C3orf70: variants seen among roughly 807,000 people sequenced by gnomAD.
C3orf70 encodes UPF0524 protein C3orf70.
In C3orf70, 15 loss-of-function variants were observed where a neutral mutation model predicts 20.7. That is an observed-to-expected ratio of 0.72 (90% CI 0.48 to 1.11). C3orf70 has a LOEUF of 1.11. Among genes scored for constraint, C3orf70 ranks in the 50% most tolerant of loss-of-function variants. C3orf70 has a pLI of 0.00. For missense variants in C3orf70, 332 were observed against 317.6 expected (o/e 1.05, Z -0.34); for synonymous variants, 161 against 125.7 (o/e 1.28, Z -1.88).
intron 1 of C3orf70, among the ~76,000 whole-genome samples, chr3:185,087,386 A>G (rs58680890): frequency 0.024 from 3,709 of 152,336 alleles, 124 homozygotes; most frequent in African/African-American, 0.084. Flanking sequence ...TCACAGCAGC[A>G]TCACTGGCAA....
chr3:185,110,886 C>T (rs1396848203), intron 1 of C3orf70, among the ~76,000 whole-genome samples: 1 of 152,214 alleles, frequency 6.6e-6, no homozygotes, highest in Non-Finnish European at 1.5e-5. Context: ...GAATGGCTGG[C>T]TTGCTGTTAA....
At chr3:185,143,981 AAC>A (rs34762767) in intron 1 of C3orf70, among the ~76,000 whole-genome samples, 93,583 of 148,736 alleles carry the variant, frequency 0.63, 30,161 homozygotes, top group Non-Finnish European at 0.72. Context: ...TTCTATGGTA[AAC>A]ACACACACAC....
At chr3:185,091,758 C>G (rs1375614014) in intron 1 of C3orf70, among the ~76,000 whole-genome samples, 1 of 148,818 alleles carries the variant, frequency 6.7e-6, no homozygotes, top group Non-Finnish European at 1.5e-5. Flanking sequence ...AGTCTTGGCT[C>G]ACTGCAACCT....
At chr3:185,111,806 A>G (rs778790865) in intron 1 of C3orf70, among the ~76,000 whole-genome samples, 1 of 152,212 alleles carries the variant, frequency 6.6e-6, no homozygotes, top group Non-Finnish European at 1.5e-5. Flanking sequence ...AAACAGAATC[A>G]GGCAATGATG....
At position 185,130,896 on chromosome 3, in the gene C3orf70, G is replaced by A. The variant is rs371786095; in HGVS notation, c.196+21732C>T. 1.6e-4 allele frequency among the ~76,000 whole-genome samples: 24 copies of A among 152,034 alleles called. No individual in the cohort carries two copies. In the East Asian group the frequency reaches 1.7e-3, roughly 11 times the overall value. ...ACTTTTGGGTTCTTTCTACTTTTTG[G>A]CTATTATGATTAATGCTGCTATAAA... On this transcript the variant is annotated intron_variant, in intron 1 of 1. Coordinates refer to ENST00000335012, the MANE Select transcript of C3orf70 (RefSeq NM_001025266.3).
intron 1 of C3orf70, among the ~76,000 whole-genome samples, chr3:185,088,829 A>AT (rs945066345): frequency 2.0e-5 from 3 of 151,994 alleles, no homozygotes; most frequent in Admixed American, 1.3e-4. Flanking sequence ...TGCCAAACTG[A>AT]TTTTTTTTAA....
At chr3:185,107,976 C>T (rs1715982090) in intron 1 of C3orf70, among the ~76,000 whole-genome samples, 2 of 151,932 alleles carry the variant, frequency 1.3e-5, no homozygotes, top group African/African-American at 2.4e-5. Flanking sequence ...TAGATCAAAT[C>T]GCTACTATGA....
intron 1 of C3orf70, among the ~76,000 whole-genome samples, chr3:185,126,583 T>C (rs1284402260): frequency 6.6e-6 from 1 of 152,192 alleles, no homozygotes; most frequent in Non-Finnish European, 1.5e-5. Context: ...AAACTCAAAA[T>C]GGACTTCCGA....
Position 185,083,422 on chromosome 3 carries a change from T to C in C3orf70, c.338A>G (p.Gln113Arg). 2.5e-6 allele frequency: 4 copies of C among 1,614,168 alleles called. No homozygotes were observed. Among genetic ancestry groups the C allele is most frequent in the Non-Finnish European group, 3.4e-6 (4 of 1,180,034 alleles). Residue 113 changes from glutamine (Q) to arginine (R), a missense_variant, in exon 2 of 2, where the codon CAG becomes CGG. Gln to Arg is a conservative substitution (Grantham distance 43). Coordinates refer to ENST00000335012, the MANE Select transcript of C3orf70 (RefSeq NM_001025266.3). ...EHFLKFASVF[Q>R]PPLPPDSPRY... Reference sequence around the variant, plus strand: ...CGGTGAGTCAGGGGGAAGGGGAGGCTGGAAGACAGATGCAAATTTCAAAAA... The same window carrying C: ...CGGTGAGTCAGGGGGAAGGGGAGGCCGGAAGACAGATGCAAATTTCAAAAA...
At position 185,077,652 on chromosome 3, in the gene C3orf70, C is replaced by A. The variant is rs138188076; in HGVS notation, c.*5355G>T. The stretch of plus-strand genomic sequence containing the variant: ...GAGTCTTGGTGACCAAGCGACCCCC[C>A]CAAGCTCTGCCGGGCAGCAGCCTCC... On this transcript the variant is annotated 3_prime_UTR_variant, in exon 2 of 2. Coordinates refer to ENST00000335012, the MANE Select transcript of C3orf70 (RefSeq NM_001025266.3). Among the ~76,000 whole-genome samples the A allele has an allele frequency of 7.9e-5, 12 of 152,250 alleles. No homozygotes were observed. Among genetic ancestry groups the A allele is most frequent in the Admixed American group, 1.3e-4 (2 of 15,302 alleles).
intron 1 of C3orf70, among the ~76,000 whole-genome samples, chr3:185,125,650 T>A (rs771202023): frequency 1.3e-5 from 2 of 152,178 alleles, no homozygotes; most frequent in Non-Finnish European, 2.9e-5. Context: ...TCCAATGGAA[T>A]GCTAAACTGC....
intron 1 of C3orf70, among the ~76,000 whole-genome samples, chr3:185,106,128 C>T (rs1171422073): frequency 6.6e-6 from 1 of 152,114 alleles, no homozygotes; most frequent in Non-Finnish European, 1.5e-5. Context: ...AGCAGCGCCT[C>T]GAGCAACCGC....
At chr3:185,098,799 G>A (rs1715762282) in intron 1 of C3orf70, among the ~76,000 whole-genome samples, 1 of 152,144 alleles carries the variant, frequency 6.6e-6, no homozygotes, top group African/African-American at 2.4e-5. Context: ...CATAATGTGG[G>A]TGGGCCCCAT....
At chr3:185,113,788 G>A (rs113579284) in intron 1 of C3orf70, among the ~76,000 whole-genome samples, 286 of 152,238 alleles carry the variant, frequency 1.9e-3, no homozygotes, top group African/African-American at 6.0e-3. Flanking sequence ...GGAAGGGGGA[G>A]GTACATGGCT....
At chr3:185,108,807 G>A (rs1716000069) in intron 1 of C3orf70, among the ~76,000 whole-genome samples, 1 of 152,208 alleles carries the variant, frequency 6.6e-6, no homozygotes, top group African/African-American at 2.4e-5. Context: ...TGTCACACAT[G>A]TTCCCTCGTT....
intron 1 of C3orf70, among the ~76,000 whole-genome samples, chr3:185,090,112 T>C (rs549699823): frequency 3.5e-4 from 54 of 152,186 alleles, no homozygotes; most frequent in Non-Finnish European, 6.9e-4. Flanking sequence ...AAGATACCCA[T>C]TACTTAATGA....
intron 1 of C3orf70, among the ~76,000 whole-genome samples, chr3:185,094,019 C>G (rs1439030127): frequency 6.7e-6 from 1 of 150,236 alleles, no homozygotes; most frequent in African/African-American, 2.5e-5. Context: ...TAAATCCTCT[C>G]TAGATTATAG....
At chr3:185,119,141 C>T (rs1716240392) in intron 1 of C3orf70, among the ~76,000 whole-genome samples, 1 of 152,110 alleles carries the variant, frequency 6.6e-6, no homozygotes, top group South Asian at 2.1e-4. Context: ...TATTTGTTTG[C>T]TTCCATCACA....
At chr3:185,148,463 A>G (rs1430441008) in intron 1 of C3orf70, among the ~76,000 whole-genome samples, 1 of 152,144 alleles carries the variant, frequency 6.6e-6, no homozygotes, top group Non-Finnish European at 1.5e-5. Flanking sequence ...AATTAACCCT[A>G]TAGATTTCAC....
Sources: allele counts gnomAD v4.1 joint callset (sites outside exome capture counted in the v4.1 genomes callset), GRCh38; gene constraint gnomAD v4.1.1; transcripts MANE v1.5; gene names NCBI Gene and HGNC (gene_info 2026-07-23, HGNC 2026-07-21).